Variants in DISP1 observed in about 807,000 individuals in gnomAD.
DISP1 encodes the protein dispatched RND transporter family member 1, also known as protein dispatched homolog 1.
A neutral mutation model predicts 37.3 loss-of-function variants in DISP1; 30 were observed. That is an observed-to-expected ratio of 0.80 (90% CI 0.60 to 1.09). The LOEUF (loss-of-function observed/expected upper bound fraction) is 1.09. Among genes scored for constraint, DISP1 ranks in the 50% least tolerant of loss-of-function variants. The probability of loss-of-function intolerance (pLI) is 0.00; values close to 1 mark genes in which losing one functional copy is unlikely to be tolerated. For missense variants in DISP1, 1,598 were observed against 1,879.5 expected (o/e 0.85, Z 2.77); for synonymous variants, 634 against 690.2 (o/e 0.92, Z 1.28).
chr1:222,899,841 A>T (rs1671486287), intron 1 of DISP1: 1 of 151,900 alleles, frequency 6.6e-6, no homozygotes, highest in Non-Finnish European at 1.5e-5. Context: ...ACCTGCCTCG[A>T]CCTCCCAGAG....
At chr1:222,857,882 T>G (rs918619342) in intron 1 of DISP1, among the ~76,000 whole-genome samples, 2 of 152,206 alleles carry the variant, frequency 1.3e-5, no homozygotes, top group Non-Finnish European at 2.9e-5. Context: ...TTCAATGCTA[T>G]TCCCATTAAA....
At chr1:222,882,015 G>C (rs1670311684) in intron 1 of DISP1, among the ~76,000 whole-genome samples, 1 of 152,174 alleles carries the variant, frequency 6.6e-6, no homozygotes, top group Non-Finnish European at 1.5e-5. Context: ...AAATTTTGAG[G>C]TGGAGAGGGG....
intron 1 of DISP1, among the ~76,000 whole-genome samples, chr1:222,852,604 A>C (rs1668330934): frequency 6.6e-6 from 1 of 152,236 alleles, no homozygotes; most frequent in Non-Finnish European, 1.5e-5. Flanking sequence ...TAACCCAGTA[A>C]GTCATTCTTT....
chr1:222,923,093 T>G (rs17536299), intron 1 of DISP1, among the ~76,000 whole-genome samples: 17,303 of 152,186 alleles, frequency 0.11, 1,350 homozygotes, highest in Non-Finnish European at 0.16. Flanking sequence ...GTAAGTAGCC[T>G]GAGGACTAGC....
rs911650631 is a variant in DISP1 at position 223,003,922 on chromosome 1, A to G, written c.2525A>G (p.Gln842Arg). Residue 842 changes from glutamine (Q) to arginine (R), a missense_variant, in exon 9 of 9, where the codon CAG (glutamine) becomes CGG (arginine). Physicochemically the swap from Gln to Arg is conservative, Grantham distance 43. Transcript: ENST00000675850. The surrounding 1 kb of genome is among the most constrained non-coding windows in gnomAD (Gnocchi z 4.3). Reference protein sequence around the residue: ...QKLRNQTFFYQTDEQDFTSCF... With the variant: ...QKLRNQTFFYRTDEQDFTSCF... ...CTGAGAAACCAAACATTCTTTTACC[A>G]GACTGATGAACAGGACTTCACCAGC... 14 of 1,614,190 alleles carry G rather than the reference A, an allele frequency of 8.7e-6. No homozygotes were observed. Among genetic ancestry groups the G allele is most frequent in the Non-Finnish European group, 1.0e-5 (12 of 1,180,040 alleles).
At chr1:222,846,692 G>C (rs930817769) in intron 1 of DISP1, among the ~76,000 whole-genome samples, 3 of 152,212 alleles carry the variant, frequency 2.0e-5, no homozygotes, top group Non-Finnish European at 4.4e-5. Context: ...AATGGCCTGT[G>C]GCCAAAACTA....
At chr1:222,889,958 T>G (rs1670851476) in intron 1 of DISP1, among the ~76,000 whole-genome samples, 1 of 152,168 alleles carries the variant, frequency 6.6e-6, no homozygotes, top group East Asian at 1.9e-4. Context: ...AAATATCAAC[T>G]GGAAAGTAGA....
intron 1 of DISP1, among the ~76,000 whole-genome samples, chr1:222,871,875 A>C (rs1267185930): frequency 2.0e-5 from 3 of 152,202 alleles, no homozygotes; most frequent in Non-Finnish European, 4.4e-5. Context: ...CAGTTTTCAA[A>C]GGGAATACTT....
At chr1:222,963,907 AAAAT>A (rs1319701349) in intron 3 of DISP1, among the ~76,000 whole-genome samples, 2 of 152,188 alleles carry the variant, frequency 1.3e-5, no homozygotes, top group African/African-American at 4.8e-5. Flanking sequence ...AGAAGAGAAA[AAAAT>A]AAAGCGTTAT....
At chr1:222,913,585 CAAGGT>C (rs1672324076) in intron 1 of DISP1, among the ~76,000 whole-genome samples, 1 of 151,842 alleles carries the variant, frequency 6.6e-6, no homozygotes, top group Non-Finnish European at 1.5e-5. Flanking sequence ...AAAAAAGTTG[CAAGGT>C]ACTAGCACTA....
chr1:222,843,266 G>A (rs1462981121), intron 1 of DISP1, among the ~76,000 whole-genome samples: 1 of 151,956 alleles, frequency 6.6e-6, no homozygotes, highest in Non-Finnish European at 1.5e-5. Context: ...AAGATTCTGG[G>A]TGGAAATCCT....
At chr1:222,987,430 C>T (rs1006462525) in intron 4 of DISP1, among the ~76,000 whole-genome samples, 3 of 152,134 alleles carry the variant, frequency 2.0e-5, no homozygotes, top group African/African-American at 7.2e-5. Flanking sequence ...TGGGAAACAT[C>T]GGCTGTGTAA....
Position 222,936,547 on chromosome 1 carries a change from A to C in DISP1, c.-17-6260A>C, listed in dbSNP as rs1165157538. 1.1e-3 allele frequency among the ~76,000 whole-genome samples: 152 copies of C among 138,590 alleles called. 1 individual carries two copies. Among genetic ancestry groups the C allele is most frequent in the East Asian group, 7.3e-3 (36 of 4,938 alleles). The allele number at this position is 138,590 out of a possible 152,430, so 90.9% of individuals were successfully genotyped here. On this transcript the variant is annotated intron_variant, in intron 2 of 8. Transcript: ENST00000675850. Reference sequence around the variant, plus strand: ...GAAATGTCTCTCTCTCTCTCTATATATATATATATGAGATTTATATATAAT... The same window carrying C: ...GAAATGTCTCTCTCTCTCTCTATATCTATATATATGAGATTTATATATAAT...
chr1:222,850,921 C>T (rs1668193780), intron 1 of DISP1, among the ~76,000 whole-genome samples: 1 of 152,028 alleles, frequency 6.6e-6, no homozygotes, highest in Non-Finnish European at 1.5e-5. Flanking sequence ...ATCTGACAGG[C>T]CCATTGGTTA....
chr1:222,865,575 T>G (rs1234151259), intron 1 of DISP1, among the ~76,000 whole-genome samples: 1 of 152,206 alleles, frequency 6.6e-6, no homozygotes, highest in Admixed American at 6.5e-5. Context: ...GATTAAAATT[T>G]TAAAAGCAAA....
At chr1:222,867,275 A>T (rs978989471) in intron 1 of DISP1, among the ~76,000 whole-genome samples, 1 of 152,186 alleles carries the variant, frequency 6.6e-6, no homozygotes, top group Non-Finnish European at 1.5e-5. Flanking sequence ...TGTTTTCAAG[A>T]TATGTAATAA....
At chr1:222,903,315 G>A (rs1380890808) in intron 1 of DISP1, among the ~76,000 whole-genome samples, 2 of 114,578 alleles carry the variant, frequency 1.7e-5, no homozygotes, top group Non-Finnish European at 3.5e-5. Flanking sequence ...GGGGGAGGGG[G>A]GAGGGATAGC....
At chr1:222,918,217 T>G (rs563205928) in intron 1 of DISP1, among the ~76,000 whole-genome samples, 117 of 152,162 alleles carry the variant, frequency 7.7e-4, no homozygotes, top group African/African-American at 2.7e-3. Flanking sequence ...TGATTCCCTC[T>G]CCCCAGGAAC....
In DISP1 at chr1:222,938,733, TAAAAAAAAA is replaced by T. The variant is rs33948431; in HGVS notation, c.-17-4053_-17-4045del. Among the ~76,000 whole-genome samples the T allele has an allele frequency of 8.7e-5, 5 of 57,618 alleles. No homozygotes were observed. The Admixed American group carries it at 9.6e-4, about 11-fold the overall frequency. 37.8% of individuals were successfully genotyped at this position (57,618 alleles called of 152,430 possible). A position where few individuals can be genotyped will look rare whatever the true frequency, so the allele number is the denominator to read the frequency against. Reference sequence around the variant, plus strand: ...GGGTGACAGAGCAAGACCCTGTCTTTAAAAAAAAAAAAAAAAAAAAAAAAAAAAAGGAAG... The same window carrying T: ...GGGTGACAGAGCAAGACCCTGTCTTTAAAAAAAAAAAAAAAAAAAAGGAAG... On this transcript the variant is annotated intron_variant, in intron 2 of 8. Transcript: ENST00000675850.
Sources: allele counts gnomAD v4.1 joint callset (sites outside exome capture counted in the v4.1 genomes callset), GRCh38; gene constraint gnomAD v4.1.1; non-coding constraint Gnocchi (gnomAD v3.1); transcripts MANE v1.5; gene names NCBI Gene and HGNC (gene_info 2026-07-23, HGNC 2026-07-21).